Variants in UAP1 observed in about 807,000 individuals in gnomAD.
The protein encoded by UAP1 is UDP-N-acetylglucosamine pyrophosphorylase 1.
UAP1 carries 25 observed loss-of-function variants against 58.5 expected under a neutral mutation model. The ratio of observed to expected loss-of-function variants is 0.43; its 90% CI spans 0.31 to 0.60. UAP1 has a LOEUF of 0.60. Among genes scored for constraint, UAP1 ranks in the 20% least tolerant of loss-of-function variants. UAP1 has a pLI of 0.11. For synonymous variants in UAP1, 208 were observed against 213.0 expected (o/e 0.98, Z 0.21); for missense variants, 575 against 630.0 (o/e 0.91, Z 0.93).
chr1:162,597,235 C>A (rs1246358648), intron 9 of UAP1: 1 of 152,022 alleles, frequency 6.6e-6, no homozygotes, highest in Non-Finnish European at 1.5e-5. Context: ...TCTGAACACT[C>A]GAAGTGTGAT....
chr1:162,585,557 C>T (rs773403744), intron 5 of UAP1, among the ~76,000 whole-genome samples: 7 of 152,092 alleles, frequency 4.6e-5, no homozygotes, highest in Non-Finnish European at 1.0e-4. Flanking sequence ...CTACCACGCC[C>T]GTTCTATACT....
At chr1:162,562,615 A>G (rs954672107) in intron 1 of UAP1, 1 of 152,118 alleles carries the variant, frequency 6.6e-6, no homozygotes, top group Non-Finnish European at 1.5e-5. Flanking sequence ...TGTGTGTGTC[A>G]TTTGGTATTG....
At chr1:162,564,807 C>T (rs577210675) in intron 1 of UAP1, among the ~76,000 whole-genome samples, 2 of 152,288 alleles carry the variant, frequency 1.3e-5, no homozygotes, top group South Asian at 2.1e-4. Context: ...ATTTGTCATA[C>T]GTTAACCTTC....
intron 8 of UAP1, among the ~76,000 whole-genome samples, chr1:162,591,171 C>T (rs758196258): frequency 3.9e-5 from 6 of 152,140 alleles, no homozygotes; most frequent in South Asian, 4.1e-4. Context: ...GTGATCCACC[C>T]GCCTTGGCCT....
At chr1:162,585,108 C>CT (rs1416524656) in intron 5 of UAP1, among the ~76,000 whole-genome samples, 8 of 149,944 alleles carry the variant, frequency 5.3e-5, no homozygotes, top group African/African-American at 2.0e-4. Context: ...AGGCTGGTCT[C>CT]TTAACTCCTG....
At chr1:162,598,533 C>A (rs749483634) in intron 10 of UAP1, among the ~76,000 whole-genome samples, 1 of 152,102 alleles carries the variant, frequency 6.6e-6, no homozygotes, top group Non-Finnish European at 1.5e-5. Flanking sequence ...TTAGATGAAT[C>A]ACCTGGCTTT....
intron 1 of UAP1, among the ~76,000 whole-genome samples, chr1:162,564,081 T>C (rs947930506): frequency 6.6e-6 from 1 of 152,194 alleles, no homozygotes; most frequent in Non-Finnish European, 1.5e-5. Flanking sequence ...TCTGTTCCTC[T>C]CAAGTGTCTT....
chr1:162,582,269 T>G (rs553306058), intron 5 of UAP1, among the ~76,000 whole-genome samples: 1 of 152,130 alleles, frequency 6.6e-6, no homozygotes, highest in Non-Finnish European at 1.5e-5. Context: ...ACAGAATGAT[T>G]GCAAAGTTTA....
At chr1:162,583,504 C>T (rs1284337066) in intron 5 of UAP1, among the ~76,000 whole-genome samples, 1 of 152,002 alleles carries the variant, frequency 6.6e-6, no homozygotes, top group Non-Finnish European at 1.5e-5. Flanking sequence ...CTGTTACGAG[C>T]TTCAGAACCA....
At chr1:162,579,375 T>G (rs904463226) in intron 3 of UAP1, 53 bp from the exon 4 acceptor site, 6 of 1,275,982 alleles carry the variant, frequency 4.7e-6, no homozygotes, top group Non-Finnish European at 6.1e-6. Context: ...AACTTTATTT[T>G]GCCCTAGTCC....
At chr1:162,593,664 C>T (rs1655455210) in intron 9 of UAP1, 1 of 151,712 alleles carries the variant, frequency 6.6e-6, no homozygotes, top group South Asian at 2.1e-4. Context: ...GGGAGAATCA[C>T]TTGAGCCTGG....
intron 9 of UAP1, 135 bp from the exon 10 acceptor site, chr1:162,597,657 G>T: frequency 1.5e-6 from 1 of 662,110 alleles, no homozygotes; most frequent in Non-Finnish European, 2.6e-6. Context: ...TGATCATCAG[G>T]GTAGCATCTA....
At chr1:162,592,847 C>T in intron 9 of UAP1, 65 bp downstream of exon 9, 2 of 1,415,992 alleles carry the variant, frequency 1.4e-6, no homozygotes, top group Non-Finnish European at 2.0e-6. Context: ...TACTAACTGG[C>T]ATCGTAGTTT....
At chr1:162,585,572 A>G (rs1654857367) in intron 5 of UAP1, among the ~76,000 whole-genome samples, 1 of 152,140 alleles carries the variant, frequency 6.6e-6, no homozygotes, top group African/African-American at 2.4e-5. Flanking sequence ...TATACTTTAT[A>G]TCTTTTCTGT....
intron 2 of UAP1, among the ~76,000 whole-genome samples, chr1:162,568,262 C>T (rs1002929778): frequency 1.3e-5 from 2 of 152,132 alleles, no homozygotes; most frequent in African/African-American, 4.8e-5. Context: ...TGCTGTATAC[C>T]TCTCTCTGTC....
chr1:162,593,891 C>G (rs536024152), intron 9 of UAP1: 2 of 152,202 alleles, frequency 1.3e-5, no homozygotes, highest in African/African-American at 2.4e-5. Flanking sequence ...CCTGTCTGTG[C>G]CATTCCTCTG....
intron 2 of UAP1, among the ~76,000 whole-genome samples, chr1:162,570,488 G>C (rs1358192722): frequency 2.0e-5 from 3 of 151,808 alleles, no homozygotes; most frequent in Non-Finnish European, 2.9e-5. Flanking sequence ...CTTTGCTGCA[G>C]TATTTTAAGG....
chr1:162,588,830 C>T, exon 7 of UAP1: 1 of 1,611,622 alleles, frequency 6.2e-7, no homozygotes, highest in Non-Finnish European at 8.5e-7. Context: ...TTCCAGTTTG[C>T]AAAGTATGCT....
intron 2 of UAP1, among the ~76,000 whole-genome samples, chr1:162,567,207 A>G (rs1214785641): frequency 6.6e-6 from 1 of 152,162 alleles, no homozygotes; most frequent in Non-Finnish European, 1.5e-5. Context: ...TATTTTATCT[A>G]TGACCTTTTC....
Sources: allele counts gnomAD v4.1 joint callset (sites outside exome capture counted in the v4.1 genomes callset), GRCh38; gene constraint gnomAD v4.1.1; transcripts MANE v1.5; gene names NCBI Gene and HGNC (gene_info 2026-07-23, HGNC 2026-07-21).